The following PTPRT variants were observed in gnomAD, a reference collection of about 807,000 sequenced individuals.
PTPRT encodes the protein receptor-type tyrosine-protein phosphatase T.
Under a neutral mutation model 176.8 loss-of-function variants are expected in PTPRT, and 56 were observed. The ratio of observed to expected loss-of-function variants is 0.32; its 90% CI spans 0.26 to 0.40. PTPRT has a LOEUF of 0.40. PTPRT is among the 10% of genes least tolerant of loss of function. The pLI is 1.00. For synonymous variants in PTPRT, 783 were observed against 739.0 expected, an observed-to-expected ratio of 1.06 and a Z score of -0.96; for missense variants, 1,540 against 1,908.2, an observed-to-expected ratio of 0.81 and a Z score of 3.60.
At chr20:42,339,713 G>A (rs905026014) in intron 11 of PTPRT, among the ~76,000 whole-genome samples, 3 of 152,170 alleles carry the variant, frequency 2.0e-5, no homozygotes, top group African/African-American at 7.2e-5. Flanking sequence ...GCAGGACTCT[G>A]CAGGCTTATT....
At chr20:42,491,100 C>T (rs1198517933) in intron 7 of PTPRT, among the ~76,000 whole-genome samples, 2 of 151,990 alleles carry the variant, frequency 1.3e-5, no homozygotes, top group Non-Finnish European at 2.9e-5. Context: ...AAACTTGCTC[C>T]TGGGATAAGC....
intron 19 of PTPRT, among the ~76,000 whole-genome samples, chr20:42,122,354 A>G (rs1987633562): frequency 6.6e-6 from 1 of 152,130 alleles, no homozygotes; most frequent in Non-Finnish European, 1.5e-5. Flanking sequence ...ATCAAGACTA[A>G]AAGTGTATGC....
chr20:42,567,333 C>G (rs1257809057), intron 7 of PTPRT, among the ~76,000 whole-genome samples: 1 of 151,798 alleles, frequency 6.6e-6, no homozygotes, highest in Non-Finnish European at 1.5e-5. Context: ...TTTAAAATAG[C>G]TGTATTGAGC....
rs1568774368 is a variant in PTPRT, at chr20:43,083,369, T to TATAA, written c.88+106276_88+106277insTTAT. On this transcript the variant is annotated intron_variant, in intron 1 of 30. Coordinates refer to ENST00000373187, the MANE Select transcript of PTPRT (RefSeq NM_007050.6). The stretch of plus-strand genomic sequence containing the variant: ...ATATATATATATATATATATATATA[T>TATAA]ACATTTTTTGAGACAGAGTCTCGCT... 2.0e-4 allele frequency among the ~76,000 whole-genome samples: 22 copies of TATAA among 110,240 alleles called. 2 individuals are homozygous for TATAA. The highest frequency in any genetic ancestry group is 5.3e-4 in the South Asian group (2 of 3,780). The allele number at this position is 110,240 out of a possible 152,430, so 72.3% of individuals were successfully genotyped here.
rs1434672688 is a variant in PTPRT at position 43,189,642 on chromosome 20, T to C, written c.88+4A>G. On this transcript the variant is annotated splice_donor_region_variant and intron_variant, in intron 1 of 30. Coordinates refer to ENST00000373187, the MANE Select transcript of PTPRT (RefSeq NM_007050.6). This position sits in a 1 kb window ranked among gnomAD's most constrained non-coding sequence, Gnocchi z 5.0. ...GCCCAGGGGAGCCGGGCGGGCGCAC[T>C]CACCTGCGGCGCTCTGAGCCCGGGC... The C allele has an allele frequency of 8.0e-7, 1 of 1,256,530 alleles. No homozygotes were observed. The highest frequency in any genetic ancestry group is 1.0e-6 in the Non-Finnish European group (1 of 1,001,072). The allele number at this position is 1,256,530 out of a possible 1,614,324, so 77.8% of individuals were successfully genotyped here.
At chr20:42,451,291 C>T (rs1028074256) in intron 8 of PTPRT, among the ~76,000 whole-genome samples, 2 of 152,116 alleles carry the variant, frequency 1.3e-5, no homozygotes, top group Admixed American at 6.5e-5. Context: ...TTTTACACAA[C>T]TGGGGGATCA....
At chr20:42,235,698 C>A (rs2056227856) in intron 15 of PTPRT, among the ~76,000 whole-genome samples, 1 of 152,026 alleles carries the variant, frequency 6.6e-6, no homozygotes, top group Non-Finnish European at 1.5e-5. Context: ...ACACATAATC[C>A]CAACCCAAAG....
chr20:42,716,902 A>T (rs1479137648), intron 6 of PTPRT, among the ~76,000 whole-genome samples: 3 of 152,112 alleles, frequency 2.0e-5, no homozygotes, highest in South Asian at 2.1e-4. Flanking sequence ...TGGATGAAGC[A>T]GGAAACCATC....
At chr20:42,547,629 C>A (rs2072698492) in intron 7 of PTPRT, among the ~76,000 whole-genome samples, 1 of 151,916 alleles carries the variant, frequency 6.6e-6, no homozygotes. Flanking sequence ...AAAGGTTATA[C>A]CTAAAACCTA....
At chr20:42,502,147 T>A (rs1041151890) in intron 7 of PTPRT, among the ~76,000 whole-genome samples, 1 of 152,062 alleles carries the variant, frequency 6.6e-6, no homozygotes, top group African/African-American at 2.4e-5. Context: ...ACCTTTTTAG[T>A]CTCACTTATT....
chr20:42,796,739 C>T (rs2077460740), intron 2 of PTPRT, among the ~76,000 whole-genome samples: 1 of 152,232 alleles, frequency 6.6e-6, no homozygotes. Flanking sequence ...TTCCCAGCCT[C>T]AGCTTTGACA....
intron 6 of PTPRT, among the ~76,000 whole-genome samples, chr20:42,709,990 A>G (rs1293501818): frequency 6.6e-6 from 1 of 152,232 alleles, no homozygotes; most frequent in Non-Finnish European, 1.5e-5. Context: ...ACTTAGGGTA[A>G]CTGGCAGAAT....
intron 7 of PTPRT, among the ~76,000 whole-genome samples, chr20:42,487,699 T>G (rs2071487615): frequency 1.3e-5 from 2 of 151,880 alleles, no homozygotes; most frequent in Admixed American, 1.3e-4. Context: ...AGAAACAGAT[T>G]CTCCCCCAGA....
At chr20:42,802,346 G>C (rs913570696) in intron 2 of PTPRT, among the ~76,000 whole-genome samples, 1 of 152,186 alleles carries the variant, frequency 6.6e-6, no homozygotes. Context: ...CCTGGGCCAC[G>C]CCCTGCCTAC....
chr20:43,163,511 G>T (rs539605312), intron 1 of PTPRT, among the ~76,000 whole-genome samples: 2 of 152,114 alleles, frequency 1.3e-5, no homozygotes, highest in African/African-American at 4.8e-5. Flanking sequence ...GGTGGTGGGC[G>T]CCTATAGTCC....
At chr20:42,669,251 T>A (rs1346937796) in intron 7 of PTPRT, among the ~76,000 whole-genome samples, 5 of 152,136 alleles carry the variant, frequency 3.3e-5, no homozygotes, top group Non-Finnish European at 7.4e-5. Flanking sequence ...CAATCTAGGT[T>A]CACCTGCACT....
At chr20:43,051,171 G>C (rs1378322280) in intron 1 of PTPRT, among the ~76,000 whole-genome samples, 1 of 152,176 alleles carries the variant, frequency 6.6e-6, no homozygotes, top group Non-Finnish European at 1.5e-5. Context: ...CTTGGATCAA[G>C]CTATACCTGA....
chr20:42,336,435 G>A (rs564280073), intron 11 of PTPRT, among the ~76,000 whole-genome samples: 6 of 152,228 alleles, frequency 3.9e-5, no homozygotes, highest in African/African-American at 1.4e-4. Context: ...CTGGGGGAGG[G>A]GGGGTTGTAA....
chr20:42,924,853 A>C (rs1324343591), intron 1 of PTPRT, among the ~76,000 whole-genome samples: 2 of 152,200 alleles, frequency 1.3e-5, no homozygotes, highest in South Asian at 2.1e-4. Flanking sequence ...GGTCATGTAC[A>C]TCACCTGGGA....
Sources: allele counts gnomAD v4.1 joint callset (sites outside exome capture counted in the v4.1 genomes callset), GRCh38; gene constraint gnomAD v4.1.1; non-coding constraint Gnocchi (gnomAD v3.1); transcripts MANE v1.5; gene names NCBI Gene and HGNC (gene_info 2026-07-23, HGNC 2026-07-21).